The following MROH2A variants were observed in gnomAD, a reference collection of about 807,000 sequenced individuals.
MROH2A encodes the protein maestro heat like repeat family member 2A, also known as maestro heat-like repeat-containing protein family member 2A.
A neutral mutation model predicts 200.4 loss-of-function variants in MROH2A; 174 were observed. The observed-to-expected ratio is 0.87, with a 90% confidence interval of 0.77 to 0.98. MROH2A has a LOEUF of 0.98. Among genes scored for constraint, MROH2A ranks in the 50% least tolerant of loss-of-function variants. MROH2A has a pLI of 0.00. For missense variants in MROH2A, 2,045 were observed against 2,139.6 expected (o/e 0.96, Z 0.87); for synonymous variants, 829 against 840.4 (o/e 0.99, Z 0.23).
rs1308181239 is a variant in MROH2A at position 233,828,093 on chromosome 2, G to T, written c.4114-537G>T. 6.6e-6 allele frequency among the ~76,000 whole-genome samples: 1 copy of T among 152,154 alleles called. No individual in the cohort carries two copies. The highest frequency in any genetic ancestry group is 1.5e-5 in the Non-Finnish European group (1 of 68,024). ...GGGGGTTTAAGGAACTAGATGTGGG[G>T]ATAGTCAATAGATGCTCATTTCTCC... On this transcript the variant is annotated intron_variant, in intron 35 of 41. Transcript: ENST00000389758. The surrounding 1 kb of genome is among the most constrained non-coding windows in gnomAD (Gnocchi z 4.6).
At chr2:233,787,968 T>C (rs1341029078) in intron 3 of MROH2A, among the ~76,000 whole-genome samples, 141 of 58,254 alleles carry the variant, frequency 2.4e-3, no homozygotes, top group Non-Finnish European at 3.2e-3. Context: ...ATATATTATA[T>C]ATACATATAT....
Position 233,828,881 on chromosome 2 carries a change from C to T in MROH2A, c.4264-9C>T. ...GGGTGCAGGCTGAGGGCTGCCCATG[C>T]CCCTCCAGGTGAAGCAGTACCGGAA... On this transcript the variant is annotated splice_polypyrimidine_tract_variant and intron_variant, in intron 36 of 41. Transcript: ENST00000389758. The surrounding 1 kb of genome is among the most constrained non-coding windows in gnomAD (Gnocchi z 4.6). 6.5e-7 allele frequency: 1 copy of T among 1,550,354 alleles called. No individual in the cohort carries two copies. The highest frequency in any genetic ancestry group is 8.7e-7 in the Non-Finnish European group (1 of 1,146,930).
At chr2:233,775,917 C>A (rs1431705267), upstream of MROH2A, among the ~76,000 whole-genome samples, 4 of 152,202 alleles carry the variant, frequency 2.6e-5, no homozygotes, top group Admixed American at 2.6e-4. Context: ...CTCACAAGAT[C>A]TGATGGTTTT....
At chr2:233,833,018 T>C in intron 41 of MROH2A, 120 bp from the exon 42 acceptor site, 2 of 1,235,674 alleles carry the variant, frequency 1.6e-6, no homozygotes, top group Non-Finnish European at 2.2e-6. Context: ...CACACAGGAG[T>C]TTCCCCGTCT....
rs547059023 is a variant in MROH2A at position 233,814,273 on chromosome 2, T to A, written c.2761-309T>A. Among the ~76,000 whole-genome samples, 7 of 152,014 alleles carry A rather than the reference T, an allele frequency of 4.6e-5. No individual in the cohort carries two copies. In the South Asian group the frequency reaches 1.5e-3, roughly 32 times the overall value. On this transcript the variant is annotated intron_variant, in intron 25 of 41. Coordinates refer to ENST00000389758, the MANE Select transcript of MROH2A (RefSeq NM_001394639.1). ...AATGTAGTCCCTGATGAGATGGCTG[T>A]TTCCCTGACAACACTGTGGAAGAGG...
At position 233,818,510 on chromosome 2, in the gene MROH2A, G is replaced by C. The variant is rs1172881040; in HGVS notation, c.3086-142G>C. ...GGCCGCCACAGGGAAGGACCAGTGAGAGCAAAGGTCAGAACGCCTGGGACG... is the reference window on the plus strand; with the variant it reads ...GGCCGCCACAGGGAAGGACCAGTGACAGCAAAGGTCAGAACGCCTGGGACG... On this transcript the variant is annotated intron_variant, in intron 28 of 41. Transcript: ENST00000389758. The C allele has an allele frequency of 4.3e-6, 3 of 699,632 alleles. No homozygotes were observed. In the African/African-American group the frequency reaches 5.3e-5, roughly 12 times the overall value. The allele number at this position is 699,632 out of a possible 1,614,324, so 43.3% of individuals were successfully genotyped here. A position where few individuals can be genotyped will look rare whatever the true frequency, so the allele number is the denominator to read the frequency against.
chr2:233,825,791 A>T (rs900653520), intron 35 of MROH2A, among the ~76,000 whole-genome samples: 2 of 151,458 alleles, frequency 1.3e-5, no homozygotes, highest in South Asian at 2.1e-4. Flanking sequence ...TTTTTGTTGT[A>T]TCTCTGCCTG....
intron 35 of MROH2A, 131 bp downstream of exon 35, chr2:233,823,795 C>T (rs1045458767): frequency 5.3e-6 from 6 of 1,140,768 alleles, no homozygotes; most frequent in Non-Finnish European, 4.9e-6. Context: ...TCTGAGTGCT[C>T]ATTCTCTCAT....
intron 16 of MROH2A, among the ~76,000 whole-genome samples, 181 bp from the exon 17 acceptor site, chr2:233,803,870 T>C (rs552863215): frequency 1.3e-5 from 2 of 152,194 alleles, no homozygotes; most frequent in African/African-American, 4.8e-5. Context: ...GGAGCCCAGG[T>C]CTAGCCCCCA....
chr2:233,828,880 G>A lies in MROH2A; in HGVS notation c.4264-10G>A, dbSNP rs988704695. ...AGGGTGCAGGCTGAGGGCTGCCCAT[G>A]CCCCTCCAGGTGAAGCAGTACCGGA... On this transcript the variant is annotated splice_polypyrimidine_tract_variant and intron_variant, in intron 36 of 41. Transcript: ENST00000389758. This position sits in a 1 kb window ranked among gnomAD's most constrained non-coding sequence, Gnocchi z 4.6. 3 of 1,550,420 alleles carry A rather than the reference G, an allele frequency of 1.9e-6. No homozygotes were observed. The highest frequency in any genetic ancestry group is 2.6e-6 in the Non-Finnish European group (3 of 1,146,946).
intron 27 of MROH2A, 34 bp from the exon 28 acceptor site, chr2:233,817,968 A>G: frequency 6.5e-7 from 1 of 1,550,242 alleles, no homozygotes; most frequent in Non-Finnish European, 8.7e-7. Flanking sequence ...ATGAGAGCAC[A>G]GAGGTGTGAG....
At chr2:233,817,495 C>A (rs922823978) in intron 27 of MROH2A, among the ~76,000 whole-genome samples, 1 of 152,076 alleles carries the variant, frequency 6.6e-6, no homozygotes, top group Non-Finnish European at 1.5e-5. Context: ...GAAGGCTCAG[C>A]AAAATGAGGC....
At chr2:233,805,366 A>G (rs6725300) in intron 19 of MROH2A, among the ~76,000 whole-genome samples, 34,354 of 152,224 alleles carry the variant, frequency 0.23, 4,081 homozygotes, top group East Asian at 0.31. Flanking sequence ...AAACTATACC[A>G]CATTGCTACA....
At chr2:233,824,711 G>A (rs565761447) in intron 35 of MROH2A, among the ~76,000 whole-genome samples, 1 of 152,354 alleles carries the variant, frequency 6.6e-6, no homozygotes, top group African/African-American at 2.4e-5. Flanking sequence ...GGGCTTTGGT[G>A]AGAGCTAAAT....
intron 19 of MROH2A, among the ~76,000 whole-genome samples, chr2:233,806,820 GT>G (rs1321722307): frequency 6.6e-6 from 1 of 152,054 alleles, no homozygotes; most frequent in East Asian, 1.9e-4. Context: ...ATTTCCATAG[GT>G]TTTTGGGGAA....
intron 13 of MROH2A, 28 bp from the exon 14 acceptor site, chr2:233,800,177 G>C (rs1361083248): frequency 6.7e-7 from 1 of 1,491,200 alleles, no homozygotes; most frequent in African/African-American, 1.4e-5. Flanking sequence ...TAGGCCACAG[G>C]TGGGAATCCC....
chr2:233,833,265 C>T lies in MROH2A; in HGVS notation c.*6C>T, dbSNP rs1163010981. Reference sequence around the variant, plus strand: ...CACCCCAAGGAATGTCCTAGGTGGTCCAAACATAAGACGTAAACTGTCTTC... The same window carrying T: ...CACCCCAAGGAATGTCCTAGGTGGTTCAAACATAAGACGTAAACTGTCTTC... On this transcript the variant is annotated 3_prime_UTR_variant, in exon 42 of 42. Coordinates refer to ENST00000389758, the MANE Select transcript of MROH2A (RefSeq NM_001394639.1). 6.5e-6 allele frequency: 10 copies of T among 1,529,100 alleles called. No individual in the cohort carries two copies. The highest frequency in any genetic ancestry group is 2.8e-5 in the African/African-American group (2 of 71,952). The allele number at this position is 1,529,100 out of a possible 1,614,324, so 94.7% of individuals were successfully genotyped here. A position where few individuals can be genotyped will look rare whatever the true frequency, so the allele number is the denominator to read the frequency against.
At chr2:233,804,772 G>T (rs1025224589) in intron 18 of MROH2A, among the ~76,000 whole-genome samples, 2 of 152,192 alleles carry the variant, frequency 1.3e-5, no homozygotes, top group Admixed American at 6.5e-5. Flanking sequence ...CAGGAGGGCA[G>T]CAGGGAGTGA....
At chr2:233,787,485 A>C (rs12995326) in intron 3 of MROH2A, among the ~76,000 whole-genome samples, 3 of 127,732 alleles carry the variant, frequency 2.3e-5, no homozygotes, top group South Asian at 2.2e-4. Flanking sequence ...TACATATATA[A>C]TATATATACA....
Sources: gnomAD v4.1 joint callset for allele counts (sites outside exome capture counted in the v4.1 genomes callset) on GRCh38, gnomAD v4.1.1 for gene constraint, Gnocchi (gnomAD v3.1) non-coding constraint, MANE v1.5 for transcripts, NCBI Gene and HGNC (gene_info 2026-07-23, HGNC 2026-07-21) for gene names.